The following ELP4 variants were observed in gnomAD, a reference collection of about 807,000 sequenced individuals.
ELP4 encodes the protein elongator acetyltransferase complex subunit 4.
A neutral mutation model predicts 48.9 loss-of-function variants in ELP4; 51 were observed. That is an observed-to-expected ratio of 1.04 (90% CI 0.83 to 1.32). ELP4 has a LOEUF of 1.32. Among genes scored for constraint, ELP4 ranks in the 40% most tolerant of loss-of-function variants. The probability of loss-of-function intolerance (pLI) is 0.00; values close to 1 mark genes in which losing one functional copy is unlikely to be tolerated. For missense variants in ELP4, 519 were observed against 514.6 expected (o/e 1.01, Z -0.08); for synonymous variants, 210 against 189.2 (o/e 1.11, Z -0.90).
intron 2 of ELP4, among the ~76,000 whole-genome samples, chr11:31,527,269 T>C (rs1373679837): frequency 6.6e-6 from 1 of 152,148 alleles, no homozygotes; most frequent in East Asian, 1.9e-4. Context: ...CTACATATTC[T>C]CCTGAAAGGT....
intron 9 of ELP4, among the ~76,000 whole-genome samples, chr11:31,732,398 C>T (rs7126851): frequency 0.31 from 45,956 of 150,302 alleles, 7,679 homozygotes; most frequent in African/African-American, 0.45. Flanking sequence ...TGTGTTAGCC[C>T]CATGGTAACC....
intron 3 of ELP4, among the ~76,000 whole-genome samples, chr11:31,588,515 T>G (rs1192809213): frequency 6.6e-6 from 1 of 152,220 alleles, no homozygotes; most frequent in Non-Finnish European, 1.5e-5. Context: ...AAATAGTAAC[T>G]GGTTTTAAAG....
intron 9 of ELP4, among the ~76,000 whole-genome samples, chr11:31,736,834 T>A (rs2134211318): frequency 6.6e-6 from 1 of 152,252 alleles, no homozygotes; most frequent in East Asian, 1.9e-4. Flanking sequence ...CTGGAGAGGA[T>A]GTGGAGAAAT....
At chr11:31,546,285 G>A (rs1956712480) in intron 3 of ELP4, among the ~76,000 whole-genome samples, 1 of 152,024 alleles carries the variant, frequency 6.6e-6, no homozygotes, top group Non-Finnish European at 1.5e-5. Flanking sequence ...AAAGGATGGA[G>A]GAAGATCTAC....
At chr11:31,628,777 TATA>T (rs1421428908) in intron 6 of ELP4, among the ~76,000 whole-genome samples, 36 of 152,162 alleles carry the variant, frequency 2.4e-4, no homozygotes, top group African/African-American at 8.2e-4. Context: ...GCAACTAAAA[TATA>T]ATGAGTTTTC....
intron 9 of ELP4, among the ~76,000 whole-genome samples, chr11:31,776,937 C>G (rs963308367): frequency 3.9e-5 from 6 of 152,108 alleles, no homozygotes; most frequent in African/African-American, 1.4e-4. Context: ...CAGCTGCTAC[C>G]AAATGTACAC....
At chr11:31,588,652 G>A (rs1957517185) in intron 3 of ELP4, among the ~76,000 whole-genome samples, 1 of 151,986 alleles carries the variant, frequency 6.6e-6, no homozygotes. Context: ...TTTTCAAAAT[G>A]ATGAAATGAA....
At chr11:31,649,112 A>T (rs1291301168) in intron 8 of ELP4, 1 of 151,564 alleles carries the variant, frequency 6.6e-6, no homozygotes, top group East Asian at 1.9e-4. Flanking sequence ...TATTTTAGTT[A>T]ATTATTTTTG....
At chr11:31,755,854 A>AC (rs2134245902) in intron 9 of ELP4, among the ~76,000 whole-genome samples, 1 of 152,064 alleles carries the variant, frequency 6.6e-6, no homozygotes, top group East Asian at 1.9e-4. Context: ...CATCTTTGAT[A>AC]CCTCCCTTTT....
intron 9 of ELP4, among the ~76,000 whole-genome samples, chr11:31,665,724 G>C (rs1169193350): frequency 7.3e-6 from 1 of 137,272 alleles, no homozygotes; most frequent in East Asian, 2.1e-4. Flanking sequence ...GTGCAATCAT[G>C]GCTCACTGTA....
intron 3 of ELP4, among the ~76,000 whole-genome samples, chr11:31,584,489 AATAATTT>A (rs1164883520): frequency 4.6e-5 from 7 of 151,988 alleles, no homozygotes; most frequent in African/African-American, 1.7e-4. Flanking sequence ...ATAACTTTAA[AATAATTT>A]ATAATTTATA....
chr11:31,618,105 A>G (rs1944535215), intron 5 of ELP4, among the ~76,000 whole-genome samples: 2 of 152,096 alleles, frequency 1.3e-5, no homozygotes, highest in East Asian at 1.9e-4. Flanking sequence ...ATGAGTGGAT[A>G]AAAAATGTTA....
At chr11:31,553,725 A>AACACACACACACACACAC (rs56921821) in intron 3 of ELP4, among the ~76,000 whole-genome samples, 176 of 140,496 alleles carry the variant, frequency 1.3e-3, no homozygotes, top group African/African-American at 4.0e-3. Flanking sequence ...TGCACACACA[A>AACACACACACACACACAC]ACACACACAC....
intron 3 of ELP4, among the ~76,000 whole-genome samples, chr11:31,556,482 A>G (rs1038005430): frequency 2.6e-5 from 4 of 151,928 alleles, no homozygotes; most frequent in African/African-American, 7.2e-5. Flanking sequence ...CACAATTTTT[A>G]TAGAGCTTGA....
intron 9 of ELP4, among the ~76,000 whole-genome samples, chr11:31,666,063 C>T (rs1333027729): frequency 8.3e-6 from 1 of 120,744 alleles, no homozygotes; most frequent in Non-Finnish European, 1.6e-5. Flanking sequence ...GGCTGGAGTA[C>T]AGTGACACAA....
chr11:31,545,408 A>C (rs570313446), intron 3 of ELP4, among the ~76,000 whole-genome samples: 1 of 152,322 alleles, frequency 6.6e-6, no homozygotes, highest in South Asian at 2.1e-4. Flanking sequence ...AATGAATAAA[A>C]TGAAGCGAGA....
chr11:31,632,347 G>T lies in ELP4; in HGVS notation c.869G>T (p.Gly290Val). 6.2e-7 allele frequency: 1 copy of T among 1,613,374 alleles called. No homozygotes were observed. The highest frequency in any genetic ancestry group is 8.5e-7 in the Non-Finnish European group (1 of 1,179,666). ...SLTKFLYVLR[G>V]LLRTSLSACI... ...ACCAAGTTCCTCTATGTTCTCCGTG[G>T]TCTTCTGAGAACCTCTCTTTCAGCC... Residue 290 changes from glycine (G) to valine (V), a missense_variant, in exon 7 of 10, where the codon GGT becomes GTT. Transcript: ENST00000640961.
chr11:31,582,665 G>A (rs1957410352), intron 3 of ELP4, among the ~76,000 whole-genome samples: 2 of 152,120 alleles, frequency 1.3e-5, no homozygotes, highest in Non-Finnish European at 2.9e-5. Context: ...TCAAGAGTGA[G>A]GGACTGAAAA....
chr11:31,666,113 A>G (rs1176274547), intron 9 of ELP4, among the ~76,000 whole-genome samples: 1 of 148,850 alleles, frequency 6.7e-6, no homozygotes, highest in African/African-American at 2.5e-5. Flanking sequence ...GGTTCAAGCA[A>G]TTCTCGTGCC....
Sources: gnomAD v4.1 joint callset for allele counts (sites outside exome capture counted in the v4.1 genomes callset) on GRCh38, gnomAD v4.1.1 for gene constraint, MANE v1.5 for transcripts, NCBI Gene and HGNC (gene_info 2026-07-23, HGNC 2026-07-21) for gene names.